Variants in ORM2 observed in about 807,000 individuals in gnomAD.
The protein encoded by ORM2 is alpha-1-acid glycoprotein 2.
ORM2 carries 19 observed loss-of-function variants against 26.8 expected under a neutral mutation model. The observed-to-expected ratio is 0.71, with a 90% CI of 0.49 to 1.04. The LOEUF is 1.04. ORM2 is among the 50% of genes least tolerant of loss of function. ORM2 has a pLI of 0.00. For missense variants in ORM2, 259 were observed against 244.9 expected (o/e 1.06, Z -0.39); for synonymous variants, 94 against 100.0 (o/e 0.94, Z 0.36).
intron 5 of ORM2, 60 bp downstream of exon 5, chr9:114,331,989 G>C (rs993740130): frequency 3.4e-6 from 5 of 1,466,316 alleles, no homozygotes; most frequent in African/African-American, 3.0e-5. Flanking sequence ...GGCAGCCCCA[G>C]AGGCCCAGAG....
chr9:114,331,125 GC>G, intron 3 of ORM2, among the ~76,000 whole-genome samples: 1 of 152,158 alleles, frequency 6.6e-6, no homozygotes, highest in Admixed American at 6.5e-5. Flanking sequence ...CTCCAGGCTG[GC>G]TTCAGATCTG....
chr9:114,332,800 A>G (rs1351487884), intron 5 of ORM2, among the ~76,000 whole-genome samples: 1 of 152,210 alleles, frequency 6.6e-6, no homozygotes. Flanking sequence ...GAGCTGCAGC[A>G]TAAGGGCCCT....
At chr9:114,331,733 C>G in intron 4 of ORM2, 59 bp downstream of exon 4, 3 of 1,585,004 alleles carry the variant, frequency 1.9e-6, no homozygotes, top group Non-Finnish European at 2.6e-6. Flanking sequence ...CCCCATTCAC[C>G]CACCCCTGGG....
At chr9:114,333,006 G>C in intron 5 of ORM2, 63 bp from the exon 6 acceptor site, 1 of 1,601,260 alleles carries the variant, frequency 6.2e-7, no homozygotes, top group Non-Finnish European at 8.5e-7. Context: ...CTCCCCGGAA[G>C]ACCTCCCACC....
intron 4 of ORM2, 64 bp downstream of exon 4, chr9:114,331,738 C>G: frequency 6.3e-7 from 1 of 1,583,596 alleles, no homozygotes; most frequent in South Asian, 1.1e-5. Context: ...TTCACCCACC[C>G]CTGGGCTGGC....
At chr9:114,331,522 T>C in intron 3 of ORM2, 45 bp from the exon 4 acceptor site, 2 of 1,484,070 alleles carry the variant, frequency 1.3e-6, no homozygotes. Flanking sequence ...CAGGCACCAT[T>C]GTGCCATCCC....
rs116200975 is a variant in ORM2 at position 114,330,110 on chromosome 9, C to T, written c.114+92C>T. ...TACCTGCTGGCTGTGGTCGCACCCC[C>T]ACTCCCAGCTCTGCCTTTTTCTCTT... On this transcript the variant is annotated intron_variant, in intron 1 of 5. Transcript: ENST00000431067. 14,888 of 1,608,724 alleles carry T rather than the reference C, an allele frequency of 9.3e-3. 1,604 individuals are homozygous for T. The African/African-American group carries it at 0.18, about 19-fold the overall frequency.
chr9:114,331,457 C>A, intron 3 of ORM2, 110 bp from the exon 4 acceptor site: 1 of 857,066 alleles, frequency 1.2e-6, no homozygotes, highest in Non-Finnish European at 1.9e-6. Flanking sequence ...AGACCCGGGC[C>A]TTCACTGATG....
intron 5 of ORM2, among the ~76,000 whole-genome samples, chr9:114,332,242 G>T (rs1431121442): frequency 6.8e-6 from 1 of 147,916 alleles, no homozygotes; most frequent in African/African-American, 2.5e-5. Context: ...ACCTACAGAC[G>T]CGTCCCAAAC....
At chr9:114,331,184 A>C (rs1829844293) in intron 3 of ORM2, among the ~76,000 whole-genome samples, 1 of 152,096 alleles carries the variant, frequency 6.6e-6, no homozygotes, top group South Asian at 2.1e-4. Flanking sequence ...CAATGGTAGA[A>C]GCCTGTATGT....
rs554026486 is a variant in ORM2 at position 114,332,501 on chromosome 9, T to C, written c.541-568T>C. Among the ~76,000 whole-genome samples the C allele has an allele frequency of 4.5e-4, 69 of 152,068 alleles. 1 individual carries two copies. The highest frequency in any genetic ancestry group is 2.8e-3 in the Admixed American group (43 of 15,270). On this transcript the variant is annotated intron_variant, in intron 5 of 5. Coordinates refer to ENST00000431067, the MANE Select transcript of ORM2 (RefSeq NM_000608.4). The stretch of plus-strand genomic sequence containing the variant: ...TGAAATCACAGCACCGATGAGCTGG[T>C]TCCAATTTTTAAAATATATACATGC...
intron 3 of ORM2, 43 bp from the exon 4 acceptor site, chr9:114,331,524 T>C (rs1021943905): frequency 6.6e-7 from 1 of 1,505,702 alleles, no homozygotes; most frequent in Non-Finnish European, 9.2e-7. Flanking sequence ...GGCACCATTG[T>C]GCCATCCCAT....
chr9:114,332,947 T>G, intron 5 of ORM2, 122 bp from the exon 6 acceptor site: 1 of 1,394,284 alleles, frequency 7.2e-7, no homozygotes, highest in Non-Finnish European at 9.8e-7. Context: ...AGTGCCAGGG[T>G]TGGAGCCCTG....
chr9:114,331,664 G>C lies in ORM2; in HGVS notation c.426G>C (p.Leu142=), dbSNP rs1244678663. The C allele has an allele frequency of 6.2e-7, 1 of 1,613,548 alleles. No homozygotes were observed. The highest frequency in any genetic ancestry group is 2.2e-5 in the East Asian group (1 of 44,872). ...TGGACGATGAGAAGAACTGGGGGCT[G>C]TCTTTCTATGGTAGGCATGCTTAGC... ...SYLDDEKNWG[L]SFYADKPETT... is the part of the protein sequence containing the mutation. Residue 142 remains leucine (L), a synonymous_variant, in exon 4 of 6, where the codon CTG becomes CTC. Coordinates refer to ENST00000431067, the MANE Select transcript of ORM2 (RefSeq NM_000608.4).
intron 4 of ORM2, 73 bp from the exon 5 acceptor site, chr9:114,331,753 A>G (rs1829857055): frequency 6.3e-7 from 1 of 1,582,282 alleles, no homozygotes; most frequent in Non-Finnish European, 8.7e-7. Context: ...GCTGGCCCCT[A>G]GAACCCCAGC....
At chr9:114,330,409 T>C (rs1194539546) in intron 1 of ORM2, 25 bp from the exon 2 acceptor site, 1 of 1,553,948 alleles carries the variant, frequency 6.4e-7, no homozygotes. Flanking sequence ...CAAGCCCCCA[T>C]CACCAGCTCC....
chr9:114,332,596 T>C (rs571563235), intron 5 of ORM2, among the ~76,000 whole-genome samples: 1 of 152,050 alleles, frequency 6.6e-6, no homozygotes, highest in Non-Finnish European at 1.5e-5. Context: ...ACCAGGGATG[T>C]GAACTACCTC....
intron 3 of ORM2, among the ~76,000 whole-genome samples, chr9:114,331,148 C>T (rs116965083): frequency 0.037 from 5,668 of 151,772 alleles, 362 homozygotes; most frequent in East Asian, 0.26. Context: ...CTCTCTCTCA[C>T]GCCCTCTTTA....
At position 114,329,963 on chromosome 9, in the gene ORM2, T is replaced by C; in HGVS notation, c.59T>C (p.Ile20Thr). The C allele has an allele frequency of 1.9e-6, 3 of 1,547,002 alleles. No homozygotes were observed. In the East Asian group the frequency reaches 6.9e-5, roughly 36 times the overall value. The change falls in exon 1 of 6, where the codon ATC becomes ACC. Residue 20 changes from isoleucine to threonine, a missense_variant. Transcript: ENST00000431067. ...LSLLPLLEAQ[I>T]PLCANLVPVP... Reference sequence around the variant, plus strand: ...CTCCTACCTCTGCTGGAAGCCCAGATCCCATTGTGTGCCAACCTAGTACCG... The same window carrying C: ...CTCCTACCTCTGCTGGAAGCCCAGACCCCATTGTGTGCCAACCTAGTACCG...
Sources: allele counts gnomAD v4.1 joint callset (sites outside exome capture counted in the v4.1 genomes callset), GRCh38; gene constraint gnomAD v4.1.1; transcripts MANE v1.5; gene names NCBI Gene and HGNC (gene_info 2026-07-23, HGNC 2026-07-21).